Variants in ZBED1 observed in about 807,000 individuals in gnomAD.
ZBED1 encodes zinc finger BED-type containing 1.
ZBED1 carries 19 observed loss-of-function variants against 49.7 expected under a neutral mutation model. The observed-to-expected ratio is 0.38, with a 90% confidence interval of 0.27 to 0.56. The LOEUF is 0.56. Ranked by LOEUF, ZBED1 falls within the 20% of genes least tolerant of loss-of-function variation. The pLI is 0.70. For missense variants in ZBED1, 806 were observed against 972.6 expected, an observed-to-expected ratio of 0.83 and a Z score of 2.28; for synonymous variants, 439 against 440.3, an observed-to-expected ratio of 1.00 and a Z score of 0.04.
At chrX:2,499,605 T>C (rs2045362570) in intron 1 of ZBED1, among the ~76,000 whole-genome samples, 1 of 151,560 alleles carries the variant, frequency 6.6e-6, no homozygotes, top group African/African-American at 2.4e-5. Flanking sequence ...ATGCCATCTC[T>C]ACAAAAAATT....
At position 2,489,146 on chromosome X, in the gene ZBED1, T is replaced by C; in HGVS notation, c.1574A>G (p.Glu525Gly). The C allele has an allele frequency of 6.2e-7, 1 of 1,613,608 alleles. No homozygotes were observed. Among genetic ancestry groups the C allele is most frequent in the South Asian group, 1.1e-5 (1 of 91,062 alleles). ...CATGAGCTTCTTGACGGGAGGCTCC[T>C]CGGGCACCGGGAAGATCTTGTCCTC... ...PAEDKIFPVP[E>G]EPPVKKLMRT... Residue 525 changes from glutamate (E) to glycine (G), a missense_variant, in exon 2 of 2, where the codon GAG (glutamate) becomes GGG (glycine). Around this residue, in one of 2 missense-constraint regions of ZBED1, gnomAD observed 749 missense variants for 861.3 expected, o/e 0.87. Coordinates refer to ENST00000652001, the MANE Select transcript of ZBED1 (RefSeq NM_001171136.2).
At position 2,489,093 on chromosome X, in the gene ZBED1, C is replaced by T. The variant is rs371242849; in HGVS notation, c.1627G>A (p.Val543Ile). 177 of 1,613,608 alleles carry T rather than the reference C, an allele frequency of 1.1e-4. 1 individual carries two copies. Among genetic ancestry groups the T allele is most frequent in the East Asian group, 8.9e-5 (4 of 44,894 alleles). Reference sequence around the variant, plus strand: ...ATCTCGGCCAGCATGTTGTTGATGACGCTGGCGGGCGGCGGCGTGGATGTC... The same window carrying T: ...ATCTCGGCCAGCATGTTGTTGATGATGCTGGCGGGCGGCGGCGTGGATGTC... ...MRTSTPPPAS[V>I]INNMLAEIFC... is the part of the protein sequence containing the mutation. Residue 543 changes from valine (V) to isoleucine (I), a missense_variant, in exon 2 of 2, where the codon GTC (valine) becomes ATC (isoleucine). Physicochemically the swap from Val to Ile is conservative, Grantham distance 29. Coordinates refer to ENST00000652001, the MANE Select transcript of ZBED1 (RefSeq NM_001171136.2).
chrX:2,494,543 G>T (rs1253915538), intron 1 of ZBED1, among the ~76,000 whole-genome samples: 2 of 151,802 alleles, frequency 1.3e-5, no homozygotes, highest in Admixed American at 1.3e-4. Context: ...AGAAGTCCGG[G>T]TACCTGGAAC....
At position 2,488,768 on chromosome X, in the gene ZBED1, G is replaced by C. The variant is rs2045026501; in HGVS notation, c.1952C>G (p.Ala651Gly). The stretch of plus-strand genomic sequence containing the variant: ...GGGTTCCGCCTCTGCCCCACTCCGG[G>C]CGTTCTCATACAGAAACACCTGCTC... ...VDEQVFLYEN[A>G]RSGAEAEPED... The change falls in exon 2 of 2, where the codon GCC becomes GGC. Residue 651 changes from alanine to glycine, a missense_variant. Around this residue, in one of 2 missense-constraint regions of ZBED1, gnomAD observed 749 missense variants for 861.3 expected, o/e 0.87. Coordinates refer to ENST00000652001, the MANE Select transcript of ZBED1 (RefSeq NM_001171136.2). The C allele has an allele frequency of 1.2e-6, 2 of 1,613,928 alleles. No homozygotes were observed. The highest frequency in any genetic ancestry group is 8.5e-7 in the Non-Finnish European group (1 of 1,179,880).
Position 2,489,189 on chromosome X carries a change from C to T in ZBED1, c.1531G>A (p.Gly511Ser), listed in dbSNP as rs200621212. The T allele has an allele frequency of 1.6e-5, 26 of 1,613,742 alleles. No individual in the cohort carries two copies. The African/African-American group carries it at 2.1e-4, about 13-fold the overall frequency. ...TTGTCCTCAGCCGGCCGGTAGCCGC[C>T]GTCTTTGACCTTGTCCAGCAGGCCC... ...AKGLLDKVKD[G>S]GYRPAEDKIF... The change falls in exon 2 of 2, where the codon GGC becomes AGC. Residue 511 changes from glycine to serine, a missense_variant. Coordinates refer to ENST00000652001, the MANE Select transcript of ZBED1 (RefSeq NM_001171136.2).
rs6567595 is a variant in ZBED1 at position 2,487,001 on chromosome X, T to C, written c.*1634A>G. 0.77 allele frequency: 116,797 copies of C among 152,060 alleles called. 45,296 individuals carry two copies. The highest frequency in any genetic ancestry group is 0.91 in the East Asian group (4,702 of 5,162). 9.4% of individuals were successfully genotyped at this position (152,060 alleles called of 1,614,324 possible). On this transcript the variant is annotated 3_prime_UTR_variant, in exon 2 of 2. Coordinates refer to ENST00000652001, the MANE Select transcript of ZBED1 (RefSeq NM_001171136.2). ...TGGGGTCATCCCTCCTAGACACCGT[T>C]CTCCCCAGCCCAGCTTGTCTTCACG...
chrX:2,494,329 A>C (rs2045229887), intron 1 of ZBED1, among the ~76,000 whole-genome samples: 1 of 151,964 alleles, frequency 6.6e-6, no homozygotes, highest in South Asian at 2.1e-4. Context: ...TTTTCATTCT[A>C]TCATTATTAT....
chrX:2,497,892 A>C (rs1401542359), intron 1 of ZBED1, among the ~76,000 whole-genome samples: 2 of 152,192 alleles, frequency 1.3e-5, no homozygotes, highest in Non-Finnish European at 2.9e-5. Flanking sequence ...CCATATTAGG[A>C]TATTAAATGC....
chrX:2,487,273 A>G lies in ZBED1; in HGVS notation c.*1362T>C, dbSNP rs762546394. On this transcript the variant is annotated 3_prime_UTR_variant, in exon 2 of 2. Coordinates refer to ENST00000652001, the MANE Select transcript of ZBED1 (RefSeq NM_001171136.2). ...AGAGTCCTTTCCGGTAATCAAATCA[A>G]AAACACCTTATGTGGAAAAGCTGGC... 6.6e-6 allele frequency: 1 copy of G among 152,326 alleles called. No individual in the cohort carries two copies. Among genetic ancestry groups the G allele is most frequent in the South Asian group, 2.1e-4 (1 of 4,818 alleles). The allele number at this position is 152,326 out of a possible 1,614,324, so 9.4% of individuals were successfully genotyped here.
At position 2,488,760 on chromosome X, in the gene ZBED1, C is replaced by A. The variant is rs771586037; in HGVS notation, c.1960G>T (p.Gly654Trp). 1.9e-6 allele frequency: 3 copies of A among 1,613,836 alleles called. No homozygotes were observed. Among genetic ancestry groups the A allele is most frequent in the African/African-American group, 1.3e-5 (1 of 74,930 alleles). The change falls in exon 2 of 2, where the codon GGG becomes TGG. Residue 654 changes from glycine to tryptophan, a missense_variant. By Grantham distance (184) the Gly-to-Trp change is radical. This residue lies in a region of ZBED1 where 749 missense variants were observed against 861.3 expected (regional missense o/e 0.87). Coordinates refer to ENST00000652001, the MANE Select transcript of ZBED1 (RefSeq NM_001171136.2). ...TGGTCCTCGGGTTCCGCCTCTGCCC[C>A]ACTCCGGGCGTTCTCATACAGAAAC... ...QVFLYENARS[G>W]AEAEPEDQDE...
chrX:2,489,812 A>C lies in ZBED1; in HGVS notation c.908T>G (p.Phe303Cys). The change falls in exon 2 of 2, where the codon TTC (phenylalanine) becomes TGC (cysteine). Residue 303 changes from phenylalanine to cysteine, a missense_variant. Transcript: ENST00000652001. Reference sequence around the variant, plus strand: ...CAGCGCCCCCAGCTTCGGGAGCTGGAAGGCCTGCTGGATGCCGGCATTGAA... The same window carrying C: ...CAGCGCCCCCAGCTTCGGGAGCTGGCAGGCCTGCTGGATGCCGGCATTGAA... ...HTFNAGIQQAFQLPKLGALLS... is the reference protein window; with the variant it reads ...HTFNAGIQQACQLPKLGALLS... The C allele has an allele frequency of 6.2e-7, 1 of 1,613,578 alleles. No homozygotes were observed. The highest frequency in any genetic ancestry group is 8.5e-7 in the Non-Finnish European group (1 of 1,179,868).
chrX:2,490,091 T>A lies in ZBED1; in HGVS notation c.629A>T (p.Tyr210Phe), dbSNP rs1291758007. 1 of 1,613,796 alleles carries A rather than the reference T, an allele frequency of 6.2e-7. No homozygotes were observed. The highest frequency in any genetic ancestry group is 8.5e-7 in the Non-Finnish European group (1 of 1,179,866). ...CAGGAAGTGGGCGGCCAGCGTGACGTAGGCGCGGTTCTGATTCTCACTCCT... is the reference window on the plus strand; with the variant it reads ...CAGGAAGTGGGCGGCCAGCGTGACGAAGGCGCGGTTCTGATTCTCACTCCT... Reference protein sequence around the residue: ...MWRSENQNRAYVTLAAHFLGL... With the variant: ...MWRSENQNRAFVTLAAHFLGL... The change falls in exon 2 of 2, where the codon TAC becomes TTC. Residue 210 changes from tyrosine (Y) to phenylalanine (F), a missense_variant. This residue lies in a region of ZBED1 where 749 missense variants were observed against 861.3 expected (regional missense o/e 0.87). Transcript: ENST00000652001.
chrX:2,495,684 C>G (rs138652684), intron 1 of ZBED1, among the ~76,000 whole-genome samples: 40 of 152,094 alleles, frequency 2.6e-4, no homozygotes, highest in Non-Finnish European at 5.9e-4. Context: ...GCAGCGCTTC[C>G]GAGCACACAA....
Position 2,488,776 on chromosome X carries a change from A to G in ZBED1, c.1944T>C (p.Tyr648=). The G allele has an allele frequency of 6.2e-7, 1 of 1,613,874 alleles. No homozygotes were observed. The highest frequency in any genetic ancestry group is 8.5e-7 in the Non-Finnish European group (1 of 1,179,856). The change falls in exon 2 of 2, where the codon TAT becomes TAC. Residue 648 remains tyrosine (Y), a synonymous_variant. Transcript: ENST00000652001. ...PAHVDEQVFL[Y]ENARSGAEAE... ...CCTCTGCCCCACTCCGGGCGTTCTC[A>G]TACAGAAACACCTGCTCGTCCACGT...
chrX:2,490,586 A>G lies in ZBED1; in HGVS notation c.134T>C (p.Ile45Thr). The G allele has an allele frequency of 6.2e-7, 1 of 1,613,756 alleles. No homozygotes were observed. The highest frequency in any genetic ancestry group is 8.5e-7 in the Non-Finnish European group (1 of 1,179,808). Residue 45 changes from isoleucine (I) to threonine (T), a missense_variant, in exon 2 of 2, where the codon ATC becomes ACC. Transcript: ENST00000652001. The part of the protein sequence containing the change: ...AEGCILQWKK[I>T]YCRICMAQIA... ...CTGGGCCATGCAGATGCGGCAGTAG[A>G]TTTTCTTCCACTGCAGGATGCATCC...
rs747102073 is a variant in ZBED1, at chrX:2,488,673, C to T, written c.2047G>A (p.Gly683Ser). Residue 683 changes from glycine to serine, a missense_variant, in exon 2 of 2, where the codon GGC (glycine) becomes AGC (serine). Transcript: ENST00000652001. ...CTGTCCCTAATGCCAAAGAAACCGC[C>T]GCTGACGCCATCCCCCAAGGAGAAC... is the stretch of plus-strand genomic sequence containing the variant. ...QVFSLGDGVSGGFFGIRDSSF... is the reference protein window; with the variant it reads ...QVFSLGDGVSSGFFGIRDSSF... The T allele has an allele frequency of 5.6e-6, 9 of 1,611,894 alleles. No homozygotes were observed. Among genetic ancestry groups the T allele is most frequent in the Middle Eastern group, 3.4e-4 (2 of 5,816 alleles).
Position 2,486,572 on chromosome X carries a change from A to G in ZBED1, c.*2063T>C, listed in dbSNP as rs2044936534. On this transcript the variant is annotated 3_prime_UTR_variant, in exon 2 of 2. Coordinates refer to ENST00000652001, the MANE Select transcript of ZBED1 (RefSeq NM_001171136.2). ...AGTTCACATTTCCACGTGAGTGAGG[A>G]AAAGCGAAGGATTGTTAGAGACGTG... 6.6e-6 allele frequency: 1 copy of G among 152,226 alleles called. No individual in the cohort carries two copies. Among genetic ancestry groups the G allele is most frequent in the Non-Finnish European group, 1.5e-5 (1 of 68,038 alleles). 9.4% of individuals were successfully genotyped at this position (152,226 alleles called of 1,614,324 possible).
At chrX:2,499,119 C>G (rs1186136667) in intron 1 of ZBED1, among the ~76,000 whole-genome samples, 3 of 152,012 alleles carry the variant, frequency 2.0e-5, no homozygotes, top group Non-Finnish European at 4.4e-5. Context: ...GCGCTGGGAC[C>G]CCTGGGATTC....
chrX:2,494,639 T>A (rs370131395), intron 1 of ZBED1, among the ~76,000 whole-genome samples: 1 of 151,876 alleles, frequency 6.6e-6, no homozygotes, highest in East Asian at 1.9e-4. Flanking sequence ...TTATCATTAT[T>A]ATTATTATTT....
Sources: allele counts gnomAD v4.1 joint callset (sites outside exome capture counted in the v4.1 genomes callset), GRCh38; gene constraint gnomAD v4.1.1; regional missense constraint gnomAD v4.1.1; transcripts MANE v1.5; gene names NCBI Gene and HGNC (gene_info 2026-07-23, HGNC 2026-07-21).